Variants in PPARG observed in about 807,000 individuals in gnomAD.
The protein encoded by PPARG is peroxisome proliferator-activated receptor gamma.
In PPARG, 17 loss-of-function variants were observed where a neutral mutation model predicts 39.2. The ratio of observed to expected loss-of-function variants is 0.43; its 90% CI spans 0.30 to 0.65. The LOEUF is 0.65. Among genes scored for constraint, PPARG ranks in the 30% least tolerant of loss-of-function variants. The probability of loss-of-function intolerance (pLI) is 0.13; values close to 1 mark genes in which losing one functional copy is unlikely to be tolerated. For synonymous variants in PPARG, 223 were observed against 215.7 expected, an observed-to-expected ratio of 1.03 and a Z score of -0.30; for missense variants, 406 against 585.9, an observed-to-expected ratio of 0.69 and a Z score of 3.17.
At chr3:12,413,056 A>C (rs1441157964) in intron 6 of PPARG, among the ~76,000 whole-genome samples, 1 of 152,176 alleles carries the variant, frequency 6.6e-6, no homozygotes, top group African/African-American at 2.4e-5. Context: ...TAAAAAATAC[A>C]AAAAAACAGC....
At position 12,360,849 on chromosome 3, in the gene PPARG, T is replaced by TG. The variant is rs1553640417; in HGVS notation, c.-8-18853dup. Among the ~76,000 whole-genome samples the TG allele has an allele frequency of 4.6e-5, 7 of 152,324 alleles. No homozygotes were observed. The East Asian group carries it at 1.2e-3, about 25-fold the overall frequency. ...ATCCTACTGTTGATGGGCATTCAGA[T>TG]GGTTTTCAGTATTGCAAATAGTACT... On this transcript the variant is annotated intron_variant, in intron 2 of 7. Transcript: ENST00000651735.
At chr3:12,345,069 A>G (rs1376004157) in intron 2 of PPARG, among the ~76,000 whole-genome samples, 2 of 147,900 alleles carry the variant, frequency 1.4e-5, no homozygotes, top group East Asian at 1.9e-4. Flanking sequence ...TAAAAACACT[A>G]TACAGATCCA....
chr3:12,292,957 G>A (rs1004885166), intron 1 of PPARG, among the ~76,000 whole-genome samples: 5 of 152,202 alleles, frequency 3.3e-5, no homozygotes, highest in Admixed American at 2.0e-4. Flanking sequence ...ATGCAGAGGC[G>A]AAGGCAAAGA....
upstream of PPARG, chr3:12,287,804 G>GCCCCCA (rs1177217608): frequency 3.4e-5 from 1 of 29,506 alleles, no homozygotes; most frequent in Non-Finnish European, 7.7e-5. Flanking sequence ...CCCCGCCCCC[G>GCCCCCA]CCCCCGCCCC....
chr3:12,303,858 GATTCCCT>G (rs1215760999), intron 1 of PPARG, among the ~76,000 whole-genome samples: 1 of 152,212 alleles, frequency 6.6e-6, no homozygotes, highest in African/African-American at 2.4e-5. Context: ...AAGGTGCCAT[GATTCCCT>G]ATTCTCTAAT....
intron 7 of PPARG, among the ~76,000 whole-genome samples, chr3:12,424,383 C>T (rs372661110): frequency 3.3e-5 from 5 of 152,164 alleles, no homozygotes; most frequent in Non-Finnish European, 5.9e-5. Context: ...TCCCAGTGAG[C>T]GAGCAAGCAA....
chr3:12,366,231 T>G (rs1237490314), intron 2 of PPARG, among the ~76,000 whole-genome samples: 1 of 152,118 alleles, frequency 6.6e-6, no homozygotes, highest in African/African-American at 2.4e-5. Flanking sequence ...TAATATTAAA[T>G]TTCGCTTGTT....
At chr3:12,342,749 A>G (rs1032814233) in intron 2 of PPARG, among the ~76,000 whole-genome samples, 3 of 152,130 alleles carry the variant, frequency 2.0e-5, no homozygotes, top group East Asian at 1.9e-4. Flanking sequence ...TGTATTTTCT[A>G]ATTTTTAACA....
intron 2 of PPARG, among the ~76,000 whole-genome samples, chr3:12,345,157 G>A (rs542892174): frequency 2.0e-5 from 3 of 152,200 alleles, no homozygotes; most frequent in Admixed American, 2.0e-4. Context: ...TTAAGAGCAA[G>A]GAACTTTGTC....
At chr3:12,397,272 T>C (rs547418993) in intron 5 of PPARG, among the ~76,000 whole-genome samples, 2 of 151,772 alleles carry the variant, frequency 1.3e-5, no homozygotes, top group Admixed American at 1.3e-4. Flanking sequence ...CTCAACATTT[T>C]TAAGGTAGTT....
chr3:12,295,767 G>A (rs1405086143), intron 1 of PPARG, among the ~76,000 whole-genome samples: 1 of 151,688 alleles, frequency 6.6e-6, no homozygotes, highest in African/African-American at 2.4e-5. Context: ...CACCTGCCTC[G>A]GCCTCCCAAA....
At chr3:12,400,238 T>A (rs766663526) in intron 5 of PPARG, among the ~76,000 whole-genome samples, 1 of 152,224 alleles carries the variant, frequency 6.6e-6, no homozygotes, top group Non-Finnish European at 1.5e-5. Flanking sequence ...TTAATTAACC[T>A]TAGTAATTAA....
intron 2 of PPARG, among the ~76,000 whole-genome samples, chr3:12,331,515 A>G (rs868109164): frequency 1.3e-5 from 2 of 152,198 alleles, no homozygotes; most frequent in Admixed American, 6.5e-5. Flanking sequence ...AAAAGTCAAA[A>G]TAGAGTTTAA....
chr3:12,366,010 A>G (rs1434311779), intron 2 of PPARG, among the ~76,000 whole-genome samples: 1 of 152,140 alleles, frequency 6.6e-6, no homozygotes, highest in African/African-American at 2.4e-5. Flanking sequence ...CATCTTGACA[A>G]TACTGAGTCT....
intron 7 of PPARG, among the ~76,000 whole-genome samples, chr3:12,417,888 C>CTTTTTTTTTT (rs1240237792): frequency 7.8e-5 from 5 of 64,054 alleles, no homozygotes; most frequent in African/African-American, 3.0e-4. Flanking sequence ...TTTTTTTTTT[C>CTTTTTTTTTT]TTTTTTTTTT....
chr3:12,344,374 T>C (rs2048270141), intron 2 of PPARG, among the ~76,000 whole-genome samples: 1 of 141,240 alleles, frequency 7.1e-6, no homozygotes, highest in Non-Finnish European at 1.5e-5. Context: ...ATTTATAATG[T>C]GTCTAATAAA....
At chr3:12,411,981 G>A (rs183879766) in intron 6 of PPARG, among the ~76,000 whole-genome samples, 85 of 152,244 alleles carry the variant, frequency 5.6e-4, no homozygotes, top group African/African-American at 2.0e-3. Context: ...CACTCGATGA[G>A]GCACACATTT....
intron 2 of PPARG, among the ~76,000 whole-genome samples, chr3:12,337,184 A>AT (rs2048037392): frequency 6.6e-6 from 1 of 152,222 alleles, no homozygotes; most frequent in East Asian, 1.9e-4. Context: ...GAAATATCTC[A>AT]TTGTGTTACA....
At chr3:12,403,063 C>T (rs980251386) in intron 5 of PPARG, among the ~76,000 whole-genome samples, 1 of 152,020 alleles carries the variant, frequency 6.6e-6, no homozygotes, top group Non-Finnish European at 1.5e-5. Context: ...GAGGTGGAGG[C>T]AGGAGGATCC....
Sources: allele counts gnomAD v4.1 joint callset (sites outside exome capture counted in the v4.1 genomes callset), GRCh38; gene constraint gnomAD v4.1.1; transcripts MANE v1.5; gene names NCBI Gene and HGNC (gene_info 2026-07-23, HGNC 2026-07-21).